NSUN4: variants seen among roughly 807,000 people sequenced by gnomAD.
NSUN4 encodes 5-cytosine rRNA methyltransferase NSUN4.
NSUN4 carries 31 observed loss-of-function variants against 43.8 expected under a neutral mutation model. That is an observed-to-expected ratio of 0.71 (90% CI 0.53 to 0.96). NSUN4 has a LOEUF of 0.96. NSUN4 is among the 40% of genes least tolerant of loss of function. NSUN4 has a pLI of 0.00. For synonymous variants in NSUN4, 167 were observed against 184.1 expected (o/e 0.91, Z 0.75); for missense variants, 439 against 475.6 (o/e 0.92, Z 0.72).
In NSUN4 at chr1:46,345,091, C is replaced by T; in HGVS notation, c.384C>T (p.Asn128=). 2 of 1,613,984 alleles carry T rather than the reference C, an allele frequency of 1.2e-6. No individual in the cohort carries two copies. The highest frequency in any genetic ancestry group is 1.7e-6 in the Non-Finnish European group (2 of 1,179,950). ...CTGCCTCCTGGGCCTGCAGTCCGAA[C>T]CTTCGATGCTTCACTTTTGACAGAG... ...PSPASWACSP[N]LRCFTFDRGD... is the part of the protein sequence containing the mutation. The change falls in exon 2 of 6, where the codon AAC becomes AAT. Residue 128 remains asparagine (N), a synonymous_variant. Coordinates refer to ENST00000474844, the MANE Select transcript of NSUN4 (RefSeq NM_199044.4).
At chr1:46,353,991 A>T (rs945489962) in intron 4 of NSUN4, among the ~76,000 whole-genome samples, 7 of 152,190 alleles carry the variant, frequency 4.6e-5, no homozygotes, top group Middle Eastern at 3.4e-3. Context: ...ATGAGTACTG[A>T]TTTCCCACAT....
intron 3 of NSUN4, among the ~76,000 whole-genome samples, chr1:46,348,435 G>A (rs553235430): frequency 7.2e-4 from 109 of 152,206 alleles, no homozygotes; most frequent in Non-Finnish European, 1.3e-3. Context: ...GATTCTGGCC[G>A]GGCACGGTGG....
chr1:46,372,440 G>T, the NSUN4 span, among the ~76,000 whole-genome samples: 1 of 152,086 alleles, frequency 6.6e-6, no homozygotes, highest in Admixed American at 6.5e-5. Context: ...ACTGCACCTG[G>T]CCGCCTTTTT....
In NSUN4 at chr1:46,362,216, C is replaced by A; in HGVS notation, c.*370C>A. 1 of 233,218 alleles carries A rather than the reference C, an allele frequency of 4.3e-6. No individual in the cohort carries two copies. The highest frequency in any genetic ancestry group is 8.4e-6 in the Non-Finnish European group (1 of 118,570). 14.4% of individuals were successfully genotyped at this position (233,218 alleles called of 1,614,324 possible). On this transcript the variant is annotated 3_prime_UTR_variant, in exon 6 of 6. Coordinates refer to ENST00000474844, the MANE Select transcript of NSUN4 (RefSeq NM_199044.4). ...ATAGACCTGGGGCTGCAGTTGGGGACTTCATGTCAGTGCAAATGCCATTAG... is the reference window on the plus strand; with the variant it reads ...ATAGACCTGGGGCTGCAGTTGGGGAATTCATGTCAGTGCAAATGCCATTAG...
Position 46,345,119 on chromosome 1 carries a change from GA to G in NSUN4, c.413del (p.Asp138ValfsTer20). The G allele has an allele frequency of 1.2e-6, 2 of 1,609,878 alleles. No homozygotes were observed. The highest frequency in any genetic ancestry group is 1.7e-6 in the Non-Finnish European group (2 of 1,177,830). ...NLRCFTFDRG[D>X]ISRFPPARPG... is the part of the protein sequence containing the mutation. ...TCGATGCTTCACTTTTGACAGAGGG[GA>G]TATCAGTCGCTTCCCTCCTGCCAGG... On this transcript the variant is annotated frameshift_variant, in exon 2 of 6. Coordinates refer to ENST00000474844, the MANE Select transcript of NSUN4 (RefSeq NM_199044.4). LOFTEE classifies it high-confidence loss of function.
chr1:46,372,999 G>C, the NSUN4 span, among the ~76,000 whole-genome samples: 31,448 of 152,184 alleles, frequency 0.21, 3,981 homozygotes, highest in Non-Finnish European at 0.29. Flanking sequence ...GGGATTACAG[G>C]TGTGAGCCAC....
rs41293277 is a variant in NSUN4, at chr1:46,340,878, C to T, written c.52C>T (p.Leu18Phe). 422,831 of 1,612,622 alleles carry T rather than the reference C, an allele frequency of 0.26. 60,281 individuals carry two copies. Among genetic ancestry groups the T allele is most frequent in the Non-Finnish European group, 0.3 (352,372 of 1,179,130 alleles). ...CCGGGAGCTGCTGAAGCGTGTGGAC[C>T]TCGCGACGGTCCCGCGGAGACATCG... ...GVRELLKRVD[L>F]ATVPRRHRYK... is the part of the protein sequence containing the mutation. The change falls in exon 1 of 6, where the codon CTC becomes TTC. Residue 18 changes from leucine (L) to phenylalanine (F), a missense_variant. Leu to Phe is a conservative substitution (Grantham distance 22). Transcript: ENST00000474844.
At chr1:46,340,976 T>A in intron 1 of NSUN4, 57 bp downstream of exon 1, 1 of 1,473,258 alleles carries the variant, frequency 6.8e-7, no homozygotes, top group Non-Finnish European at 9.3e-7. Context: ...TTCTCCAGTC[T>A]TTCCGTTTCC....
rs1300755956 is a variant in NSUN4, at chr1:46,344,826, C to T, written c.119C>T (p.Ala40Val). ...GCTGCCACAGAGCCCAAATTCCCTG[C>T]TGTTCGACTGGCTTTGCAGAATTTT... ...KWAATEPKFP[A>V]VRLALQNFDM... The change falls in exon 2 of 6, where the codon GCT becomes GTT. Residue 40 changes from alanine (A) to valine (V), a missense_variant. Physicochemically the swap from Ala to Val is moderately conservative, Grantham distance 64 (BLOSUM62 0). Coordinates refer to ENST00000474844, the MANE Select transcript of NSUN4 (RefSeq NM_199044.4). 1 of 1,614,022 alleles carries T rather than the reference C, an allele frequency of 6.2e-7. No homozygotes were observed. Among genetic ancestry groups the T allele is most frequent in the East Asian group, 2.2e-5 (1 of 44,892 alleles).
the NSUN4 span, among the ~76,000 whole-genome samples, chr1:46,382,839 T>C: frequency 6.6e-6 from 1 of 152,184 alleles, no homozygotes; most frequent in African/African-American, 2.4e-5. Context: ...TAACCTCAGG[T>C]GATCCACCTA....
In NSUN4 at chr1:46,344,858, A is replaced by G. The variant is rs3737744; in HGVS notation, c.151A>G (p.Thr51Ala). 517,961 of 1,613,882 alleles carry G rather than the reference A, an allele frequency of 0.32. 85,906 individuals are homozygous for G. The highest frequency in any genetic ancestry group is 0.48 in the East Asian group (21,551 of 44,880). Residue 51 changes from threonine (T) to alanine (A), a missense_variant, in exon 2 of 6, where the codon ACT (threonine) becomes GCT (alanine). By Grantham distance (58) the Thr-to-Ala change is moderately conservative. Coordinates refer to ENST00000474844, the MANE Select transcript of NSUN4 (RefSeq NM_199044.4). ...ACTGGCTTTGCAGAATTTTGACATG[A>G]CTTACAGTGTGCAGTTTGGAGATCT... ...VRLALQNFDM[T>A]YSVQFGDLWP...
At chr1:46,372,172 G>C in the NSUN4 span, among the ~76,000 whole-genome samples, 1,515 of 142,402 alleles carry the variant, frequency 0.011, 31 homozygotes, top group African/African-American at 0.038. Flanking sequence ...ATGGAGTCTC[G>C]CTCTGTCACC....
chr1:46,366,819 A>G (rs1664148131), downstream of NSUN4, among the ~76,000 whole-genome samples: 1 of 151,786 alleles, frequency 6.6e-6, no homozygotes, highest in African/African-American at 2.4e-5. Flanking sequence ...GAAGCTTAGC[A>G]GTATTGCCTC....
chr1:46,352,164 A>G (rs986758033), intron 3 of NSUN4, among the ~76,000 whole-genome samples: 7 of 148,964 alleles, frequency 4.7e-5, no homozygotes, highest in African/African-American at 1.7e-4. Context: ...AAAAAAAAAG[A>G]ATGTGGCTGG....
chr1:46,366,704 C>CAAAAAAAAAAAAAAAAAAAAA (rs34437222), downstream of NSUN4, among the ~76,000 whole-genome samples: 1 of 59,432 alleles, frequency 1.7e-5, no homozygotes. Context: ...ACTAAAAATA[C>CAAAAAAAAAAAAAAAAAAAAA]AAAAAAAAAA....
chr1:46,353,898 A>G (rs987398104), intron 4 of NSUN4, among the ~76,000 whole-genome samples: 3 of 152,158 alleles, frequency 2.0e-5, no homozygotes, highest in African/African-American at 7.2e-5. Context: ...GTTGAATAAC[A>G]GTTTACATCC....
downstream of NSUN4, among the ~76,000 whole-genome samples, chr1:46,368,678 T>C (rs999596441): frequency 2.0e-5 from 3 of 152,248 alleles, no homozygotes; most frequent in African/African-American, 4.8e-5. Context: ...AATGGTTAAG[T>C]AAATTTAAAT....
chr1:46,368,239 C>T (rs142940566), downstream of NSUN4, among the ~76,000 whole-genome samples: 134 of 152,162 alleles, frequency 8.8e-4, 1 homozygote, highest in African/African-American at 2.9e-3. Context: ...CTCATGCCAC[C>T]CCTTATCTGT....
At position 46,344,891 on chromosome 1, in the gene NSUN4, T is replaced by TC. The variant is rs1312973486; in HGVS notation, c.185dup (p.Ile63AsnfsTer17). ...TGTGCAGTTTGGAGATCTTTGGCCA[T>TC]CAATCCGTGTCAGTCTCCTCTCAGA... On this transcript the variant is annotated frameshift_variant, in exon 2 of 6. Transcript: ENST00000474844. LOFTEE classifies it high-confidence loss of function. The TC allele has an allele frequency of 2.5e-6, 4 of 1,614,120 alleles. No homozygotes were observed. The African/African-American group carries it at 5.3e-5, about 22-fold the overall frequency.
Sources: gnomAD v4.1 joint callset for allele counts (sites outside exome capture counted in the v4.1 genomes callset) on GRCh38, gnomAD v4.1.1 for gene constraint, MANE v1.5 for transcripts, NCBI Gene and HGNC (gene_info 2026-07-23, HGNC 2026-07-21) for gene names.